Variants in CPNE4 observed in about 807,000 individuals in gnomAD.
CPNE4 encodes copine-4.
A neutral mutation model predicts 67.9 loss-of-function variants in CPNE4; 25 were observed. That is an observed-to-expected ratio of 0.37 (90% CI 0.27 to 0.51). CPNE4 has a LOEUF of 0.51. Ranked by LOEUF, CPNE4 falls within the 20% of genes least tolerant of loss-of-function variation. The probability of loss-of-function intolerance (pLI) is 0.93; values close to 1 mark genes in which losing one functional copy is unlikely to be tolerated. For missense variants in CPNE4, 464 were observed against 690.8 expected (o/e 0.67, Z 3.68); for synonymous variants, 242 against 244.9 (o/e 0.99, Z 0.11).
intron 2 of CPNE4, among the ~76,000 whole-genome samples, chr3:131,804,257 G>A (rs1023597230): frequency 6.6e-6 from 1 of 150,448 alleles, no homozygotes; most frequent in Non-Finnish European, 1.5e-5. Context: ...CAGTTTGTCT[G>A]CTATAAGCAG....
chr3:131,742,028 T>C (rs2082369823), intron 2 of CPNE4, among the ~76,000 whole-genome samples: 1 of 152,186 alleles, frequency 6.6e-6, no homozygotes, highest in Admixed American at 6.5e-5. Context: ...TTGCCACCCA[T>C]CTTGCAACTG....
At chr3:131,613,866 G>A (rs1185530403) in intron 7 of CPNE4, among the ~76,000 whole-genome samples, 2 of 152,062 alleles carry the variant, frequency 1.3e-5, no homozygotes, top group African/African-American at 2.4e-5. Flanking sequence ...CCCTGAGTCA[G>A]GATTCTACAA....
At chr3:131,755,997 CCATTTATTA>C (rs1273670820) in intron 2 of CPNE4, among the ~76,000 whole-genome samples, 1 of 152,116 alleles carries the variant, frequency 6.6e-6, no homozygotes, top group Non-Finnish European at 1.5e-5. Context: ...TTCTCCTGAT[CCATTTATTA>C]TCATCCACCA....
At chr3:131,629,063 T>C (rs1582919784) in intron 7 of CPNE4, among the ~76,000 whole-genome samples, 2 of 152,272 alleles carry the variant, frequency 1.3e-5, no homozygotes, top group South Asian at 4.1e-4. Flanking sequence ...CTCTACACAC[T>C]GCTTTAAATG....
intron 7 of CPNE4, among the ~76,000 whole-genome samples, chr3:131,669,387 A>G (rs561476645): frequency 6.6e-6 from 1 of 152,298 alleles, no homozygotes; most frequent in East Asian, 1.9e-4. Flanking sequence ...TTTCATTTTA[A>G]TAACTCTCAT....
intron 1 of CPNE4, among the ~76,000 whole-genome samples, chr3:131,975,348 T>C (rs574157089): frequency 3.3e-5 from 5 of 152,314 alleles, no homozygotes; most frequent in African/African-American, 7.2e-5. Context: ...AAAACCCCGG[T>C]TGGCAACTTG....
intron 1 of CPNE4, among the ~76,000 whole-genome samples, chr3:131,996,328 ACT>A (rs985731578): frequency 1.3e-5 from 2 of 152,064 alleles, no homozygotes; most frequent in Admixed American, 1.3e-4. Flanking sequence ...CAGGGGAGAA[ACT>A]CTATTAAAAA....
chr3:131,842,488 T>C (rs2085826155), intron 2 of CPNE4, among the ~76,000 whole-genome samples: 1 of 152,170 alleles, frequency 6.6e-6, no homozygotes, highest in Admixed American at 6.5e-5. Context: ...TGAACCCAGA[T>C]AACATACTGG....
intron 7 of CPNE4, among the ~76,000 whole-genome samples, chr3:131,591,279 T>C (rs73874150): frequency 0.012 from 1,874 of 152,318 alleles, 26 homozygotes; most frequent in East Asian, 0.055. Context: ...CTTAGTCTTT[T>C]ACCTTTGGAA....
At chr3:131,892,073 C>T (rs1208310446) in intron 2 of CPNE4, among the ~76,000 whole-genome samples, 1 of 152,082 alleles carries the variant, frequency 6.6e-6, no homozygotes, top group Non-Finnish European at 1.5e-5. Flanking sequence ...TCTCTCCTGC[C>T]AAGATTAGCT....
chr3:132,020,157 T>G (rs1229126050), intron 1 of CPNE4, among the ~76,000 whole-genome samples: 3 of 152,178 alleles, frequency 2.0e-5, no homozygotes, highest in Admixed American at 2.0e-4. Context: ...TGTGAAGGGC[T>G]TTCCCCCTCC....
intron 2 of CPNE4, among the ~76,000 whole-genome samples, chr3:131,786,295 A>AGT (rs1361998487): frequency 6.6e-6 from 1 of 152,088 alleles, no homozygotes; most frequent in Non-Finnish European, 1.5e-5. Context: ...TGGAAGACAG[A>AGT]GTTCTTTATA....
chr3:131,940,974 T>A (rs1241827859), intron 1 of CPNE4, among the ~76,000 whole-genome samples: 2 of 151,988 alleles, frequency 1.3e-5, no homozygotes, highest in East Asian at 1.9e-4. Context: ...CTCCGAGGAG[T>A]AGGATGGGGC....
At chr3:131,970,029 G>T (rs1424510521) in intron 1 of CPNE4, among the ~76,000 whole-genome samples, 1 of 152,168 alleles carries the variant, frequency 6.6e-6, no homozygotes, top group Non-Finnish European at 1.5e-5. Flanking sequence ...AGGATTTCCA[G>T]CTCTGTCCTC....
At chr3:131,535,845 C>T (rs986411021) in intron 15 of CPNE4, among the ~76,000 whole-genome samples, 3 of 152,172 alleles carry the variant, frequency 2.0e-5, no homozygotes, top group African/African-American at 7.2e-5. Context: ...CACAATCTGC[C>T]TTTTAACTTG....
chr3:131,973,668 T>C (rs2072564840), intron 1 of CPNE4, among the ~76,000 whole-genome samples: 1 of 152,158 alleles, frequency 6.6e-6, no homozygotes, highest in South Asian at 2.1e-4. Flanking sequence ...TTCAACTCAG[T>C]ATACTGAATG....
chr3:131,718,264 C>T (rs1308003828), intron 3 of CPNE4, among the ~76,000 whole-genome samples: 1 of 152,110 alleles, frequency 6.6e-6, no homozygotes, highest in African/African-American at 2.4e-5. Flanking sequence ...GGATTACAGG[C>T]GTGAGCCACT....
chr3:131,961,560 A>G (rs1311662645), intron 1 of CPNE4, among the ~76,000 whole-genome samples: 1 of 152,326 alleles, frequency 6.6e-6, no homozygotes. Flanking sequence ...TATGGTTGAA[A>G]AGAAACAGCC....
chr3:131,916,110 T>C (rs1446764304), intron 1 of CPNE4, among the ~76,000 whole-genome samples: 1 of 152,186 alleles, frequency 6.6e-6, no homozygotes, highest in Non-Finnish European at 1.5e-5. Context: ...AAGGCAACTA[T>C]AGTTCCTGAA....
Sources: gnomAD v4.1 joint callset for allele counts (sites outside exome capture counted in the v4.1 genomes callset) on GRCh38, gnomAD v4.1.1 for gene constraint, MANE v1.5 for transcripts, NCBI Gene and HGNC (gene_info 2026-07-23, HGNC 2026-07-21) for gene names.